The following ANKS1B variants were observed in gnomAD, a reference collection of about 807,000 sequenced individuals.
ANKS1B encodes ankyrin repeat and sterile alpha motif domain-containing protein 1B.
Under a neutral mutation model 148.3 loss-of-function variants are expected in ANKS1B, and 36 were observed. The observed-to-expected ratio is 0.24, with a 90% confidence interval of 0.19 to 0.32. ANKS1B has a LOEUF of 0.32. Ranked by LOEUF, ANKS1B falls within the 10% of genes least tolerant of loss-of-function variation. ANKS1B has a pLI of 1.00. For synonymous variants in ANKS1B, 542 were observed against 560.8 expected, an observed-to-expected ratio of 0.97 and a Z score of 0.47; for missense variants, 1,157 against 1,542.6, an observed-to-expected ratio of 0.75 and a Z score of 4.19.
intron 16 of ANKS1B, among the ~76,000 whole-genome samples, chr12:99,068,182 T>C (rs1317013794): frequency 6.6e-6 from 1 of 152,154 alleles, no homozygotes; most frequent in African/African-American, 2.4e-5. Context: ...TCCAGGAATA[T>C]GTAATTTCCT....
At chr12:99,455,880 G>A (rs1200171362) in intron 10 of ANKS1B, among the ~76,000 whole-genome samples, 1 of 152,036 alleles carries the variant, frequency 6.6e-6, no homozygotes, top group East Asian at 1.9e-4. Context: ...GAACTCTATG[G>A]CCCCACCCAC....
intron 1 of ANKS1B, among the ~76,000 whole-genome samples, chr12:99,929,085 C>G (rs1021403795): frequency 6.6e-6 from 1 of 152,188 alleles, no homozygotes; most frequent in Non-Finnish European, 1.5e-5. Context: ...ATTTGTCCAA[C>G]AGCATCATGA....
intron 8 of ANKS1B, among the ~76,000 whole-genome samples, chr12:99,765,502 A>G (rs964306069): frequency 6.6e-6 from 1 of 152,146 alleles, no homozygotes; most frequent in African/African-American, 2.4e-5. Flanking sequence ...TAAATATAAG[A>G]TTTTATACTA....
intron 23 of ANKS1B, 27 bp from the exon 24 acceptor site, chr12:98,781,230 G>T: frequency 6.8e-7 from 1 of 1,479,860 alleles, no homozygotes; most frequent in South Asian, 1.2e-5. Context: ...AAAGCTGTTA[G>T]AGCAGTTTGT....
intron 17 of ANKS1B, among the ~76,000 whole-genome samples, chr12:98,896,457 A>G (rs2099764749): frequency 6.6e-6 from 1 of 152,212 alleles, no homozygotes; most frequent in South Asian, 2.1e-4. Context: ...AAAGGCTTAG[A>G]TCTGCAACTG....
At chr12:99,176,524 G>A (rs943202333) in intron 14 of ANKS1B, among the ~76,000 whole-genome samples, 1 of 152,072 alleles carries the variant, frequency 6.6e-6, no homozygotes, top group Non-Finnish European at 1.5e-5. Flanking sequence ...GAGCCTCAAT[G>A]TTAAAAAAAC....
intron 4 of ANKS1B, among the ~76,000 whole-genome samples, chr12:99,785,030 AT>A (rs893993522): frequency 5.9e-5 from 9 of 152,122 alleles, no homozygotes; most frequent in Non-Finnish European, 1.0e-4. Flanking sequence ...GAAAATATAG[AT>A]GTTTAGGAAT....
chr12:99,410,200 C>T (rs1419721150), intron 11 of ANKS1B, among the ~76,000 whole-genome samples: 1 of 152,144 alleles, frequency 6.6e-6, no homozygotes. Context: ...TGTTTGAAAA[C>T]AAAGTTTTAT....
chr12:99,552,858 A>G (rs1317187306), intron 9 of ANKS1B, among the ~76,000 whole-genome samples: 1 of 152,188 alleles, frequency 6.6e-6, no homozygotes, highest in African/African-American at 2.4e-5. Flanking sequence ...TACAATGTAA[A>G]TGCCATGTAA....
At chr12:98,902,837 C>T (rs1398452651) in intron 17 of ANKS1B, among the ~76,000 whole-genome samples, 1 of 152,188 alleles carries the variant, frequency 6.6e-6, no homozygotes, top group African/African-American at 2.4e-5. Context: ...CATAAGCATT[C>T]AGAATCAAGA....
intron 22 of ANKS1B, among the ~76,000 whole-genome samples, chr12:98,790,089 T>G (rs890316981): frequency 1.3e-5 from 2 of 152,160 alleles, no homozygotes; most frequent in African/African-American, 4.8e-5. Context: ...GTAATAAAAT[T>G]TTAAAAATGT....
At chr12:99,911,011 A>G (rs1186258323) in intron 1 of ANKS1B, among the ~76,000 whole-genome samples, 1 of 152,038 alleles carries the variant, frequency 6.6e-6, no homozygotes, top group Non-Finnish European at 1.5e-5. Flanking sequence ...CAAATAATAG[A>G]GTCTGTTACT....
chr12:99,350,670 A>T (rs2091309295), intron 12 of ANKS1B, among the ~76,000 whole-genome samples: 2 of 152,090 alleles, frequency 1.3e-5, no homozygotes, highest in Non-Finnish European at 2.9e-5. Flanking sequence ...GAAGAATTCT[A>T]AAATGATTTA....
chr12:99,448,123 A>G (rs938473894), intron 10 of ANKS1B, among the ~76,000 whole-genome samples: 7 of 152,120 alleles, frequency 4.6e-5, no homozygotes, highest in Middle Eastern at 3.2e-3. Context: ...GAAATGAATC[A>G]TTATGTAGAA....
intron 9 of ANKS1B, among the ~76,000 whole-genome samples, chr12:99,515,182 T>C (rs1439217512): frequency 7.8e-6 from 1 of 128,912 alleles, no homozygotes; most frequent in African/African-American, 5.1e-5. Context: ...AGTCCAATTA[T>C]ACCCTTTTAG....
intron 4 of ANKS1B, among the ~76,000 whole-genome samples, chr12:99,801,922 C>T (rs1433803426): frequency 6.6e-6 from 1 of 152,090 alleles, no homozygotes; most frequent in African/African-American, 2.4e-5. Flanking sequence ...TTTGTGATTG[C>T]TTGTGGTTTC....
chr12:99,894,522 A>C (rs1216211280), intron 1 of ANKS1B, among the ~76,000 whole-genome samples: 5 of 90,914 alleles, frequency 5.5e-5, no homozygotes, highest in Non-Finnish European at 7.8e-5. Flanking sequence ...AAAAAAAAAA[A>C]AAAAAAAACA....
intron 10 of ANKS1B, among the ~76,000 whole-genome samples, chr12:99,445,000 T>A (rs189714041): frequency 3.2e-4 from 49 of 152,046 alleles, no homozygotes; most frequent in Admixed American, 1.6e-3. Flanking sequence ...CAAAGGCCCA[T>A]AAAACAAAAA....
In ANKS1B at chr12:99,091,660, T is replaced by C. The variant is rs1018095464; in HGVS notation, c.2527-6637A>G. On this transcript the variant is annotated intron_variant, in intron 15 of 26. Coordinates refer to ENST00000683438, the MANE Select transcript of ANKS1B (RefSeq NM_001352186.2). ...GCATATATCTGTATAAATATAAAGC[T>C]GATGAATACCTACTGTCTTCCTTCA... 2.6e-5 allele frequency among the ~76,000 whole-genome samples: 4 copies of C among 152,224 alleles called. No homozygotes were observed. In the South Asian group the frequency reaches 8.3e-4, roughly 31 times the overall value.
Sources: gnomAD v4.1 joint callset for allele counts (sites outside exome capture counted in the v4.1 genomes callset) on GRCh38, gnomAD v4.1.1 for gene constraint, MANE v1.5 for transcripts, NCBI Gene and HGNC (gene_info 2026-07-23, HGNC 2026-07-21) for gene names.